The following SMPD3 variants were observed in gnomAD, a reference collection of about 807,000 sequenced individuals.
SMPD3 encodes nSMase-2.
SMPD3 carries 21 observed loss-of-function variants against 55.7 expected under a neutral mutation model. The observed-to-expected ratio is 0.38, with a 90% CI of 0.27 to 0.54. The LOEUF is 0.54. SMPD3 is among the 20% of genes least tolerant of loss of function. SMPD3 has a pLI of 0.80. For missense variants in SMPD3, 842 were observed against 899.6 expected, an observed-to-expected ratio of 0.94 and a Z score of 0.82; for synonymous variants, 457 against 404.3, an observed-to-expected ratio of 1.13 and a Z score of -1.56.
intron 1 of SMPD3, among the ~76,000 whole-genome samples, chr16:68,431,608 T>C (rs1018218562): frequency 2.0e-5 from 3 of 152,218 alleles, no homozygotes; most frequent in Middle Eastern, 3.2e-3. Flanking sequence ...TGCAAGACTG[T>C]ACTAGACACT....
At chr16:68,410,265 G>T (rs952003554) in intron 1 of SMPD3, among the ~76,000 whole-genome samples, 1 of 152,160 alleles carries the variant, frequency 6.6e-6, no homozygotes, top group Admixed American at 6.5e-5. Context: ...CAGGGCTCAG[G>T]CTCCAGATGC....
chr16:68,409,868 A>T (rs2090284826), intron 1 of SMPD3, among the ~76,000 whole-genome samples: 1 of 152,212 alleles, frequency 6.6e-6, no homozygotes, highest in Non-Finnish European at 1.5e-5. Context: ...CTGGGATTAC[A>T]GGCGTGAGCC....
intron 3 of SMPD3, 125 bp downstream of exon 3, chr16:68,370,734 G>T: frequency 7.8e-7 from 1 of 1,281,502 alleles, no homozygotes; most frequent in Non-Finnish European, 1.1e-6. Flanking sequence ...GACCGCGTCT[G>T]CCTCCCACTC....
chr16:68,373,925 C>T (rs71395855), intron 2 of SMPD3, among the ~76,000 whole-genome samples: 1 of 149,424 alleles, frequency 6.7e-6, no homozygotes, highest in Admixed American at 6.6e-5. Flanking sequence ...CTCACCCTTT[C>T]TAAGACTCAA....
Position 68,371,396 on chromosome 16 carries a change from C to A in SMPD3, c.786G>T (p.Val262=). The A allele has an allele frequency of 6.4e-7, 1 of 1,568,002 alleles. No homozygotes were observed. The highest frequency in any genetic ancestry group is 2.2e-5 in the East Asian group (1 of 44,652). The stretch of plus-strand genomic sequence containing the variant: ...CTCCGTTCCTGGCCTGGCCCCCAGG[C>A]ACAGGGTCGTCAGCTTCAGGTGGCC... The part of the protein sequence containing the change: ...GGRPPEADDP[V]PGGQARNGAG... The change falls in exon 3 of 9, where the codon GTG becomes GTT. Residue 262 remains valine, a synonymous_variant. Coordinates refer to ENST00000219334, the MANE Select transcript of SMPD3 (RefSeq NM_018667.4).
intron 1 of SMPD3, among the ~76,000 whole-genome samples, chr16:68,422,890 G>A (rs909675098): frequency 1.3e-5 from 2 of 152,126 alleles, no homozygotes; most frequent in African/African-American, 4.8e-5. Flanking sequence ...CTAGAATATT[G>A]GAGTCTCCTT....
chr16:68,377,409 G>A (rs912661132), intron 2 of SMPD3, among the ~76,000 whole-genome samples: 7 of 152,202 alleles, frequency 4.6e-5, no homozygotes, highest in African/African-American at 1.4e-4. Flanking sequence ...ATTGACAGCC[G>A]GCAGCCCCAG....
At chr16:68,408,866 T>G (rs1475035014) in intron 1 of SMPD3, among the ~76,000 whole-genome samples, 1 of 152,120 alleles carries the variant, frequency 6.6e-6, no homozygotes, top group Non-Finnish European at 1.5e-5. Flanking sequence ...GCTCACAAAC[T>G]AAAAACAGGA....
At chr16:68,397,215 C>A (rs1336478985) in intron 1 of SMPD3, among the ~76,000 whole-genome samples, 1 of 152,200 alleles carries the variant, frequency 6.6e-6, no homozygotes, top group Non-Finnish European at 1.5e-5. Flanking sequence ...GGGAGGAACA[C>A]CCCAGGGGTT....
chr16:68,363,778 G>T lies in SMPD3; in HGVS notation c.1644C>A (p.Ile548=). ...CCTCCTCCCCCAGCCCCAGCTCACC[G>T]ATGGCCCACGGCTTCTCCTCACCAG... The part of the protein sequence containing the change: ...LGPGEEKPWA[I]GTLLDTNGLY... Residue 548 remains isoleucine, a splice_region_variant and synonymous_variant, in exon 6 of 9, where the codon ATC becomes ATA. Transcript: ENST00000219334. The T allele has an allele frequency of 6.4e-7, 1 of 1,562,208 alleles. No homozygotes were observed. Among genetic ancestry groups the T allele is most frequent in the Non-Finnish European group, 8.7e-7 (1 of 1,153,512 alleles).
intron 1 of SMPD3, among the ~76,000 whole-genome samples, chr16:68,392,718 G>A (rs778103136): frequency 1.3e-5 from 2 of 151,702 alleles, no homozygotes; most frequent in African/African-American, 2.4e-5. Flanking sequence ...AAAATTAGCC[G>A]GGTATGGTGA....
rs760219773 is a variant in SMPD3 at position 68,361,208 on chromosome 16, A to G, written c.1966T>C (p.Ter656GlnextTer99). The G allele has an allele frequency of 4.3e-6, 7 of 1,613,324 alleles. No individual in the cohort carries two copies. Among genetic ancestry groups the G allele is most frequent in the Non-Finnish European group, 5.9e-6 (7 of 1,179,732 alleles). ...GAGGCCCCGCTGCTCCGGACGGTCT[A>G]TGCCTCCTCCTCCCCCGAAGACACC... ...LMVSSGEEEA* is the reference protein window; with the variant it reads ...LMVSSGEEEAQ Residue 656 changes from the stop codon to glutamine (Q), a stop_lost, in exon 9 of 9, where the codon TAG becomes CAG. Transcript: ENST00000219334.
At chr16:68,385,938 T>C (rs2090045954) in intron 2 of SMPD3, among the ~76,000 whole-genome samples, 1 of 151,978 alleles carries the variant, frequency 6.6e-6, no homozygotes, top group African/African-American at 2.4e-5. Flanking sequence ...AAATGTGATT[T>C]TTGGCTGGGC....
intron 1 of SMPD3, among the ~76,000 whole-genome samples, chr16:68,421,148 C>T (rs960346341): frequency 1.3e-5 from 2 of 152,188 alleles, no homozygotes; most frequent in African/African-American, 4.8e-5. Context: ...CCAGAGACCA[C>T]CAGCATGTCG....
chr16:68,369,439 G>C (rs2089586786), intron 3 of SMPD3: 1 of 140,780 alleles, frequency 7.1e-6, no homozygotes, highest in South Asian at 2.6e-4. Flanking sequence ...GATCTGTGCA[G>C]AAGTGGGCTG....
chr16:68,358,861 T>A lies in SMPD3; in HGVS notation c.*2345A>T, dbSNP rs1402791650. 1 of 152,462 alleles carries A rather than the reference T, an allele frequency of 6.6e-6. No homozygotes were observed. The highest frequency in any genetic ancestry group is 6.5e-5 in the Admixed American group (1 of 15,284). 9.4% of individuals were successfully genotyped at this position (152,462 alleles called of 1,614,324 possible). A position where few individuals can be genotyped will look rare whatever the true frequency, so the allele number is the denominator to read the frequency against. ...AAAAAATCAGTGGAAGGGCCTGGCC[T>A]GCACACAAGGCCCGGGAGTCCATAG... On this transcript the variant is annotated 3_prime_UTR_variant, in exon 9 of 9. Coordinates refer to ENST00000219334, the MANE Select transcript of SMPD3 (RefSeq NM_018667.4).
At chr16:68,384,983 A>G (rs368940897) in intron 2 of SMPD3, among the ~76,000 whole-genome samples, 68 of 152,284 alleles carry the variant, frequency 4.5e-4, no homozygotes, top group Middle Eastern at 6.8e-3. Context: ...GGACACAGCT[A>G]TGAGCCAGTC....
intron 3 of SMPD3, 48 bp downstream of exon 3, chr16:68,370,811 C>T (rs753399222): frequency 6.2e-7 from 1 of 1,603,340 alleles, no homozygotes; most frequent in African/African-American, 1.3e-5. Flanking sequence ...CTACATGGCT[C>T]TAGGACCAGC....
In SMPD3 at chr16:68,387,240, C is replaced by G. The variant is rs370105416; in HGVS notation, c.-268-581G>C. Among the ~76,000 whole-genome samples the G allele has an allele frequency of 5.3e-4, 80 of 152,128 alleles. 1 individual carries two copies. Among genetic ancestry groups the G allele is most frequent in the South Asian group, 5.2e-3 (25 of 4,822 alleles). ...AACCAAAGGGATTTGGTGGCTCCCC[C>G]CTTATCTAAGGGGGAGCAGGTCAGT... On this transcript the variant is annotated intron_variant, in intron 1 of 8. Coordinates refer to ENST00000219334, the MANE Select transcript of SMPD3 (RefSeq NM_018667.4).
Sources: allele counts gnomAD v4.1 joint callset (sites outside exome capture counted in the v4.1 genomes callset), GRCh38; gene constraint gnomAD v4.1.1; transcripts MANE v1.5; gene names NCBI Gene and HGNC (gene_info 2026-07-23, HGNC 2026-07-21).